Variants in PLEKHG1 observed in about 807,000 individuals in gnomAD.
The protein encoded by PLEKHG1 is pleckstrin homology and RhoGEF domain containing G1.
In PLEKHG1, 44 loss-of-function variants were observed where a neutral mutation model predicts 100.8. The ratio of observed to expected loss-of-function variants is 0.44; its 90% CI spans 0.34 to 0.56. PLEKHG1 has a LOEUF of 0.56. Among genes scored for constraint, PLEKHG1 ranks in the 20% least tolerant of loss-of-function variants. The pLI is 0.01. For synonymous variants in PLEKHG1, 640 were observed against 662.5 expected (o/e 0.97, Z 0.52); for missense variants, 1,545 against 1,720.9 (o/e 0.90, Z 1.81).
chr6:150,769,938 A>T (rs1382650838), intron 3 of PLEKHG1, among the ~76,000 whole-genome samples: 1 of 152,116 alleles, frequency 6.6e-6, no homozygotes, highest in Non-Finnish European at 1.5e-5. Context: ...CATTTGCTCC[A>T]CAAGGACAGG....
chr6:150,826,918 T>G (rs1007638766), intron 14 of PLEKHG1, among the ~76,000 whole-genome samples: 8 of 150,446 alleles, frequency 5.3e-5, no homozygotes, highest in African/African-American at 2.0e-4. Context: ...GGATTACAGG[T>G]GTGTATCACC....
intron 3 of PLEKHG1, among the ~76,000 whole-genome samples, chr6:150,703,720 A>G (rs1780895898): frequency 6.6e-6 from 1 of 152,206 alleles, no homozygotes; most frequent in African/African-American, 2.4e-5. Context: ...ATTTGGAAGC[A>G]TGGAACATTC....
chr6:150,632,549 C>T (rs562110515), intron 1 of PLEKHG1, among the ~76,000 whole-genome samples: 2 of 152,366 alleles, frequency 1.3e-5, no homozygotes, highest in Admixed American at 1.3e-4. Flanking sequence ...GGCCATACCC[C>T]TCTACCTGGC....
At chr6:150,732,782 T>G (rs1782341101) in intron 1 of PLEKHG1, among the ~76,000 whole-genome samples, 1 of 152,222 alleles carries the variant, frequency 6.6e-6, no homozygotes, top group African/African-American at 2.4e-5. Flanking sequence ...CGACACGGTT[T>G]TGCCATGTTG....
chr6:150,734,384 C>A (rs191555261), intron 2 of PLEKHG1, among the ~76,000 whole-genome samples: 63 of 152,334 alleles, frequency 4.1e-4, no homozygotes, highest in Non-Finnish European at 7.8e-4. Context: ...GTGACTCACA[C>A]GCAGTGGGGC....
At chr6:150,836,626 G>A (rs1266392108) in intron 15 of PLEKHG1, among the ~76,000 whole-genome samples, 1 of 151,986 alleles carries the variant, frequency 6.6e-6, no homozygotes, top group Non-Finnish European at 1.5e-5. Flanking sequence ...TGACCAGCCT[G>A]GGCAACATAG....
exon 16 of PLEKHG1, chr6:150,839,933 C>T (rs754291698): frequency 2.2e-5 from 35 of 1,613,366 alleles, no homozygotes; most frequent in Admixed American, 5.0e-5. Flanking sequence ...CTCAAGAATC[C>T]TCCCTCCTGA....
chr6:150,693,765 C>T (rs1780434765), intron 3 of PLEKHG1, among the ~76,000 whole-genome samples: 1 of 152,196 alleles, frequency 6.6e-6, no homozygotes, highest in East Asian at 1.9e-4. Flanking sequence ...AAATCATGCA[C>T]CAATCATGCA....
chr6:150,672,235 A>G (rs560006449), intron 3 of PLEKHG1, among the ~76,000 whole-genome samples: 1 of 152,310 alleles, frequency 6.6e-6, no homozygotes, highest in African/African-American at 2.4e-5. Context: ...CTCACCTTTT[A>G]TCTGCTGTGC....
chr6:150,746,767 A>G (rs1429464739), intron 2 of PLEKHG1, among the ~76,000 whole-genome samples: 2 of 152,248 alleles, frequency 1.3e-5, no homozygotes, highest in African/African-American at 4.8e-5. Context: ...TAATGCTAAA[A>G]TTTCCACCTA....
chr6:150,808,990 T>C (rs1787317699), intron 7 of PLEKHG1, 115 bp from the exon 9 acceptor site: 1 of 763,110 alleles, frequency 1.3e-6, no homozygotes, highest in Non-Finnish European at 2.2e-6. Flanking sequence ...CGTAGATAGT[T>C]AGACCCCCTC....
At chr6:150,733,520 C>A in intron 1 of PLEKHG1, 64 bp from the exon 3 acceptor site, 1 of 1,402,256 alleles carries the variant, frequency 7.1e-7, no homozygotes, top group Non-Finnish European at 9.5e-7. Context: ...TTTTTACTTC[C>A]TTTCAACCCT....
Position 150,816,156 on chromosome 6 carries a change from G to C in PLEKHG1, c.1279-2027G>C, listed in dbSNP as rs890334318. On this transcript the variant is annotated intron_variant, in intron 10 of 15. Transcript: ENST00000358517. ...GCGACACCCCAAGTGTGTTGCTTAT[G>C]TCCAGTCTGCTCTCATCTTATTTTG... 4.6e-5 allele frequency among the ~76,000 whole-genome samples: 7 copies of C among 152,116 alleles called. No homozygotes were observed. In the East Asian group the frequency reaches 1.4e-3, roughly 29 times the overall value.
chr6:150,748,305 C>T (rs1445127922), intron 2 of PLEKHG1, among the ~76,000 whole-genome samples: 1 of 152,188 alleles, frequency 6.6e-6, no homozygotes, highest in Non-Finnish European at 1.5e-5. Flanking sequence ...CTTAGGTTAC[C>T]TCCAATGGCA....
chr6:150,702,641 T>C (rs1780845746), intron 3 of PLEKHG1, among the ~76,000 whole-genome samples: 1 of 151,596 alleles, frequency 6.6e-6, no homozygotes, highest in African/African-American at 2.4e-5. Flanking sequence ...CTAACAGTTA[T>C]TTAAATCACC....
intron 3 of PLEKHG1, among the ~76,000 whole-genome samples, chr6:150,712,990 A>G (rs532949180): frequency 6.6e-6 from 1 of 152,364 alleles, no homozygotes; most frequent in South Asian, 2.1e-4. Context: ...GCAACGTCCC[A>G]CGCTGCTTCA....
In PLEKHG1 at chr6:150,604,768, G is replaced by A. The variant is rs189907156; in HGVS notation, c.-204+4751G>A. Among the ~76,000 whole-genome samples the A allele has an allele frequency of 5.2e-4, 79 of 152,284 alleles. No homozygotes were observed. The East Asian group carries it at 0.013, about 25-fold the overall frequency. On this transcript the variant is annotated intron_variant, in intron 1 of 3. Transcript: ENST00000367326. ...TGACATAGAAATGGCAGTGCCAGAC[G>A]TCAACATTCTACTTTGAGTTAGATG...
chr6:150,755,492 C>T (rs1783785918), intron 2 of PLEKHG1, among the ~76,000 whole-genome samples: 1 of 152,134 alleles, frequency 6.6e-6, no homozygotes, highest in African/African-American at 2.4e-5. Flanking sequence ...CCAATCTGAC[C>T]TACCTTGCTG....
intron 1 of PLEKHG1, among the ~76,000 whole-genome samples, chr6:150,627,597 C>T (rs1562392654): frequency 6.6e-6 from 1 of 151,574 alleles, no homozygotes; most frequent in Non-Finnish European, 1.5e-5. Context: ...TTTTTTTAAC[C>T]GTAATCTTAA....
Sources: allele counts gnomAD v4.1 joint callset (sites outside exome capture counted in the v4.1 genomes callset), GRCh38; gene constraint gnomAD v4.1.1; transcripts MANE v1.5; gene names NCBI Gene and HGNC (gene_info 2026-07-23, HGNC 2026-07-21).